ABCB9: variants seen among roughly 807,000 people sequenced by gnomAD.
The protein encoded by ABCB9 is ABC-type oligopeptide transporter ABCB9.
In ABCB9, 36 loss-of-function variants were observed where a neutral mutation model predicts 62.0. That is an observed-to-expected ratio of 0.58 (90% CI 0.45 to 0.77). The LOEUF is 0.77. Ranked by LOEUF, ABCB9 falls within the 30% of genes least tolerant of loss-of-function variation. ABCB9 has a pLI of 0.00. For missense variants in ABCB9, 943 were observed against 1,054.7 expected, an observed-to-expected ratio of 0.89 and a Z score of 1.47; for synonymous variants, 435 against 461.4, an observed-to-expected ratio of 0.94 and a Z score of 0.73.
chr12:122,933,526 C>G (rs2035302028), intron 10 of ABCB9, among the ~76,000 whole-genome samples: 1 of 151,932 alleles, frequency 6.6e-6, no homozygotes, highest in Non-Finnish European at 1.5e-5. Context: ...TGCACTCCAG[C>G]CTGGGCGACA....
rs780434452 is a variant in ABCB9 at position 122,946,075 on chromosome 12, G to C, written c.1201C>G (p.Leu401Val). The change falls in exon 6 of 12, where the codon CTG (leucine) becomes GTG (valine). Residue 401 changes from leucine (L) to valine (V), a missense_variant. Coordinates refer to ENST00000280560, the MANE Select transcript of ABCB9 (RefSeq NM_019625.4). Reference protein sequence around the residue: ...YLRKLQQVYKLNRKEAAAYMY... With the variant: ...YLRKLQQVYKVNRKEAAAYMY... ...TAGGCAGCTGCCTCCTTCCTGTTCA[G>C]CTTGTACACCTGCTGCAGCTTCCGC... The C allele has an allele frequency of 1.9e-5, 31 of 1,613,802 alleles. No individual in the cohort carries two copies. Among genetic ancestry groups the C allele is most frequent in the Non-Finnish European group, 2.5e-6 (3 of 1,180,010 alleles).
intron 9 of ABCB9, chr12:122,939,816 G>T: frequency 3.6e-6 from 1 of 278,812 alleles, no homozygotes. Flanking sequence ...ACAGGTGTGG[G>T]CCATCACATC....
At chr12:122,950,424 G>A (rs1301048083) in intron 3 of ABCB9, 27 bp downstream of exon 3, 32 of 1,588,240 alleles carry the variant, frequency 2.0e-5, no homozygotes, top group Non-Finnish European at 2.7e-5. Flanking sequence ...GGTGTGCGGG[G>A]CAGGGCGTGG....
downstream of ABCB9, among the ~76,000 whole-genome samples, chr12:122,918,946 A>G (rs1006818033): frequency 1.3e-5 from 2 of 152,046 alleles, no homozygotes; most frequent in African/African-American, 4.8e-5. Context: ...TTCTATCCCT[A>G]TAGATTTGCT....
At chr12:122,928,829 T>A (rs1260896173), downstream of ABCB9, among the ~76,000 whole-genome samples, 1 of 151,946 alleles carries the variant, frequency 6.6e-6, no homozygotes, top group Non-Finnish European at 1.5e-5. Flanking sequence ...CCAGAGACCC[T>A]GGGATGGGAG....
At chr12:122,942,618 CAAAAAA>C (rs549481027) in intron 7 of ABCB9, among the ~76,000 whole-genome samples, 1 of 50,806 alleles carries the variant, frequency 2.0e-5, no homozygotes, top group South Asian at 6.9e-4. Context: ...GACTCCATCT[CAAAAAA>C]AAAAAAAAAA....
At position 122,932,366 on chromosome 12, in the gene ABCB9, T is replaced by C; in HGVS notation, c.1904-38A>G. On this transcript the variant is annotated intron_variant, in intron 10 of 11. Transcript: ENST00000280560. This position sits in a 1 kb window ranked among gnomAD's most constrained non-coding sequence, Gnocchi z 4.7. Reference sequence around the variant, plus strand: ...GGCACAGAGACAATTTAGCAATGGGTGAGGCCGGGCAGCACCGGGGAAGAG... The same window carrying C: ...GGCACAGAGACAATTTAGCAATGGGCGAGGCCGGGCAGCACCGGGGAAGAG... 1 of 1,532,940 alleles carries C rather than the reference T, an allele frequency of 6.5e-7. No homozygotes were observed. The highest frequency in any genetic ancestry group is 8.8e-7 in the Non-Finnish European group (1 of 1,134,690). The allele number at this position is 1,532,940 out of a possible 1,614,324, so 95.0% of individuals were successfully genotyped here.
intron 1 of ABCB9, among the ~76,000 whole-genome samples, chr12:122,974,352 C>T (rs1044716542): frequency 2.0e-5 from 3 of 152,166 alleles, no homozygotes; most frequent in Non-Finnish European, 4.4e-5. Flanking sequence ...CCCCAAATCC[C>T]ACATACTTCC....
At chr12:122,955,873 A>G (rs1180386474) in intron 2 of ABCB9, among the ~76,000 whole-genome samples, 2 of 151,964 alleles carry the variant, frequency 1.3e-5, no homozygotes, top group African/African-American at 4.8e-5. Context: ...CACCATGCCC[A>G]GCTAATTTTT....
At chr12:122,927,265 G>A (rs937258560), downstream of ABCB9, among the ~76,000 whole-genome samples, 6 of 152,032 alleles carry the variant, frequency 3.9e-5, no homozygotes, top group Admixed American at 1.3e-4. Context: ...TCTGCCTCCC[G>A]GATTCAAGCA....
chr12:122,933,499 A>G (rs2035300499), intron 10 of ABCB9, among the ~76,000 whole-genome samples: 1 of 151,998 alleles, frequency 6.6e-6, no homozygotes, highest in Non-Finnish European at 1.5e-5. Flanking sequence ...GGTTGCCGTG[A>G]GCCGAGATCG....
chr12:122,935,558 T>A (rs1299680173), intron 9 of ABCB9, 127 bp from the exon 10 acceptor site: 1 of 1,101,234 alleles, frequency 9.1e-7, no homozygotes, highest in Non-Finnish European at 1.3e-6. Context: ...CAGGGCCCAG[T>A]GACTGCACTG....
chr12:122,951,708 A>C (rs2036375567), intron 2 of ABCB9: 1 of 152,048 alleles, frequency 6.6e-6, no homozygotes, highest in South Asian at 2.1e-4. Flanking sequence ...CTGGTGGGGC[A>C]CTTGACACCT....
intron 5 of ABCB9, among the ~76,000 whole-genome samples, chr12:122,946,813 G>A (rs2036066115): frequency 6.6e-6 from 1 of 152,260 alleles, no homozygotes; most frequent in Non-Finnish European, 1.5e-5. Flanking sequence ...GGTCCCAAGT[G>A]TGCGGCCATC....
chr12:122,941,182 T>C (rs781456071), intron 7 of ABCB9, among the ~76,000 whole-genome samples, 187 bp from the exon 8 acceptor site: 1 of 151,930 alleles, frequency 6.6e-6, no homozygotes, highest in Non-Finnish European at 1.5e-5. Context: ...GCAGCATCAC[T>C]AGCACTCTAC....
In ABCB9 at chr12:122,929,723, T is replaced by G; in HGVS notation, c.*188A>C. 1 of 1,361,742 alleles carries G rather than the reference T, an allele frequency of 7.3e-7. No individual in the cohort carries two copies. Among genetic ancestry groups the G allele is most frequent in the Non-Finnish European group, 9.5e-7 (1 of 1,055,410 alleles). 84.4% of individuals were successfully genotyped at this position (1,361,742 alleles called of 1,614,324 possible). On this transcript the variant is annotated 3_prime_UTR_variant, in exon 12 of 12. Coordinates refer to ENST00000280560, the MANE Select transcript of ABCB9 (RefSeq NM_019625.4). This position sits in a 1 kb window ranked among gnomAD's most constrained non-coding sequence, Gnocchi z 6.0. ...AGGCGTTGGCTCAGGGCAGCAGGGG[T>G]AAGGAGTGCCCTGGGAATGGGGCAG...
Position 122,923,839 on chromosome 12 carries a change from T to C in ABCB9, c.2041-2796A>G, listed in dbSNP as rs553355355. Among the ~76,000 whole-genome samples the C allele has an allele frequency of 1.8e-4, 28 of 152,296 alleles. 1 individual carries two copies. In the South Asian group the frequency reaches 5.0e-3, roughly 27 times the overall value. On this transcript the variant is annotated intron_variant, in intron 11 of 11. Transcript: ENST00000344275. Reference sequence around the variant, plus strand: ...CCTGAAGAGCCAGGGCCATCGGGCTTAACCCTCCTCTGTGCTGTTTCCGTT... The same window carrying C: ...CCTGAAGAGCCAGGGCCATCGGGCTCAACCCTCCTCTGTGCTGTTTCCGTT...
At chr12:122,949,945 C>T in intron 3 of ABCB9, 27 bp from the exon 4 acceptor site, 1 of 1,613,514 alleles carries the variant, frequency 6.2e-7, no homozygotes, top group Non-Finnish European at 8.5e-7. Flanking sequence ...GATATTATAG[C>T]ACGATGTCCT....
chr12:122,971,230 A>T (rs1193993905), upstream of ABCB9, among the ~76,000 whole-genome samples: 1 of 151,496 alleles, frequency 6.6e-6, no homozygotes, highest in African/African-American at 2.4e-5. Flanking sequence ...CAAAAATATA[A>T]AAAAAAATTA....
Sources: gnomAD v4.1 joint callset for allele counts (sites outside exome capture counted in the v4.1 genomes callset) on GRCh38, gnomAD v4.1.1 for gene constraint, Gnocchi (gnomAD v3.1) non-coding constraint, MANE v1.5 for transcripts, NCBI Gene and HGNC (gene_info 2026-07-23, HGNC 2026-07-21) for gene names.